ROBO1: variants seen among roughly 807,000 people sequenced by gnomAD.
The protein encoded by ROBO1 is roundabout homolog 1.
Under a neutral mutation model 195.9 loss-of-function variants are expected in ROBO1, and 149 were observed. That is an observed-to-expected ratio of 0.76 (90% CI 0.67 to 0.87). The LOEUF is 0.87. ROBO1 is among the 40% of genes least tolerant of loss of function. The pLI is 0.00. For synonymous variants in ROBO1, 816 were observed against 733.2 expected (o/e 1.11, Z -1.82); for missense variants, 1,933 against 2,068.3 (o/e 0.93, Z 1.27).
At chr3:79,344,063 G>T (rs2035013736) in intron 2 of ROBO1, among the ~76,000 whole-genome samples, 1 of 152,104 alleles carries the variant, frequency 6.6e-6, no homozygotes, top group Non-Finnish European at 1.5e-5. Context: ...CTGCTCAGAG[G>T]CTAATTGTTT....
chr3:79,657,882 G>T (rs2106800591), intron 1 of ROBO1, among the ~76,000 whole-genome samples: 1 of 152,094 alleles, frequency 6.6e-6, no homozygotes, highest in South Asian at 2.1e-4. Context: ...ATACCCTACT[G>T]ATGGACTTAG....
intron 2 of ROBO1, among the ~76,000 whole-genome samples, chr3:79,509,646 C>T (rs1940596245): frequency 6.6e-6 from 1 of 152,110 alleles, no homozygotes; most frequent in East Asian, 1.9e-4. Flanking sequence ...ATGCATATTT[C>T]TGTTTAACAT....
intron 4 of ROBO1, among the ~76,000 whole-genome samples, chr3:78,809,679 C>G (rs1057454091): frequency 3.9e-5 from 6 of 152,148 alleles, no homozygotes; most frequent in African/African-American, 1.4e-4. Flanking sequence ...GATGAGTTCA[C>G]GTCCTTTGCA....
rs753038388 is a variant in ROBO1, at chr3:78,823,462, C to T, written c.500-76562G>A. Among the ~76,000 whole-genome samples, 61 of 152,282 alleles carry T rather than the reference C, an allele frequency of 4.0e-4. 1 individual carries two copies. The highest frequency in any genetic ancestry group is 7.9e-4 in the Non-Finnish European group (54 of 68,020). The stretch of plus-strand genomic sequence containing the variant: ...AAGACAGGGAACAATATCAAACATG[C>T]TCATCAAATAACTCAAAGCAAACAG... On this transcript the variant is annotated intron_variant, in intron 4 of 30. Transcript: ENST00000464233.
chr3:79,371,437 G>C (rs770686867), intron 2 of ROBO1, among the ~76,000 whole-genome samples: 1 of 152,100 alleles, frequency 6.6e-6, no homozygotes, highest in East Asian at 1.9e-4. Context: ...TGAAGGTAAT[G>C]TGTAGTTATA....
At chr3:78,605,249 T>C (rs1405349723) in intron 29 of ROBO1, among the ~76,000 whole-genome samples, 1 of 152,226 alleles carries the variant, frequency 6.6e-6, no homozygotes, top group Non-Finnish European at 1.5e-5. Context: ...CTTGGATATC[T>C]TGATTATTAA....
chr3:78,847,987 TCTGA>T (rs990346943), intron 4 of ROBO1, among the ~76,000 whole-genome samples: 1 of 152,174 alleles, frequency 6.6e-6, no homozygotes, highest in African/African-American at 2.4e-5. Context: ...TAATAATCCT[TCTGA>T]CTTTTTTTCC....
intron 1 of ROBO1, among the ~76,000 whole-genome samples, chr3:79,752,199 T>A (rs2107480030): frequency 6.6e-6 from 1 of 152,264 alleles, no homozygotes; most frequent in East Asian, 1.9e-4. Context: ...ATTTAAAATA[T>A]GAGTTTAGCA....
chr3:78,623,894 G>A (rs1409919543), intron 26 of ROBO1, among the ~76,000 whole-genome samples: 1 of 152,122 alleles, frequency 6.6e-6, no homozygotes, highest in Non-Finnish European at 1.5e-5. Context: ...TAGGGAAATG[G>A]AAGAATGATA....
rs114767866 is a variant in ROBO1 at position 79,722,131 on chromosome 3, A to G, written c.-51+45621T>C. On this transcript the variant is annotated intron_variant, in intron 1 of 30. Transcript: ENST00000464233. ...GGAAACAGACTTTAAAAGTAATATTACTAAGTATTTTAAGGAAACTAAATA... is the reference window on the plus strand; with the variant it reads ...GGAAACAGACTTTAAAAGTAATATTGCTAAGTATTTTAAGGAAACTAAATA... 4.7e-3 allele frequency among the ~76,000 whole-genome samples: 711 copies of G among 152,252 alleles called. 9 individuals carry two copies. The highest frequency in any genetic ancestry group is 0.015 in the African/African-American group (613 of 41,566).
chr3:78,968,256 G>A (rs959471840), intron 3 of ROBO1, among the ~76,000 whole-genome samples: 1 of 149,932 alleles, frequency 6.7e-6, no homozygotes, highest in African/African-American at 2.4e-5. Context: ...TCACTTTATA[G>A]GAACTGTATA....
At chr3:78,937,907 T>C (rs1184443980) in intron 4 of ROBO1, 1 of 152,192 alleles carries the variant, frequency 6.6e-6, no homozygotes, top group Non-Finnish European at 1.5e-5. Flanking sequence ...GGTATTTTTC[T>C]TAATGAAGAC....
At chr3:79,441,990 G>A (rs2039069393) in intron 2 of ROBO1, among the ~76,000 whole-genome samples, 1 of 151,968 alleles carries the variant, frequency 6.6e-6, no homozygotes, top group African/African-American at 2.4e-5. Context: ...GACTAGAGAG[G>A]TTGACTTCTA....
At chr3:79,600,038 C>T (rs1576095053) in intron 1 of ROBO1, among the ~76,000 whole-genome samples, 1 of 151,848 alleles carries the variant, frequency 6.6e-6, no homozygotes, top group Admixed American at 6.6e-5. Flanking sequence ...AAGCAATTTT[C>T]AAACAAAAGC....
intron 4 of ROBO1, among the ~76,000 whole-genome samples, chr3:78,922,605 C>CTTTTTT (rs565147879): frequency 4.1e-5 from 5 of 123,146 alleles, no homozygotes; most frequent in Non-Finnish European, 6.6e-5. Context: ...TCTTCTTCTT[C>CTTTTTT]TTTTTTTTTT....
chr3:79,341,478 T>G (rs1039137393), intron 2 of ROBO1, among the ~76,000 whole-genome samples: 8 of 152,024 alleles, frequency 5.3e-5, no homozygotes, highest in African/African-American at 1.9e-4. Flanking sequence ...TTCTATTCAC[T>G]AATTTACCAC....
At chr3:79,184,378 A>G (rs1447797341) in intron 2 of ROBO1, among the ~76,000 whole-genome samples, 1 of 152,170 alleles carries the variant, frequency 6.6e-6, no homozygotes, top group African/African-American at 2.4e-5. Context: ...AAGACTATGT[A>G]TAGATTTCCA....
In ROBO1 at chr3:78,602,116, C is replaced by T. The variant is rs72904728; in HGVS notation, c.4745-1807G>A. ...TTTGGATATTTGTCACTGCCCAAAT[C>T]GCATGTTGAATTGTAATCCCCACTG... On this transcript the variant is annotated intron_variant, in intron 29 of 30. Coordinates refer to ENST00000464233, the MANE Select transcript of ROBO1 (RefSeq NM_002941.4). 5.8e-3 allele frequency among the ~76,000 whole-genome samples: 883 copies of T among 151,896 alleles called. 6 individuals carry two copies. Among genetic ancestry groups the T allele is most frequent in the African/African-American group, 0.019 (792 of 41,404 alleles).
At chr3:78,987,829 AT>A (rs894336732) in intron 3 of ROBO1, among the ~76,000 whole-genome samples, 1 of 152,104 alleles carries the variant, frequency 6.6e-6, no homozygotes, top group Admixed American at 6.6e-5. Context: ...CCCTGATGCG[AT>A]TATTACACAT....
Sources: gnomAD v4.1 joint callset for allele counts (sites outside exome capture counted in the v4.1 genomes callset) on GRCh38, gnomAD v4.1.1 for gene constraint, MANE v1.5 for transcripts, NCBI Gene and HGNC (gene_info 2026-07-23, HGNC 2026-07-21) for gene names.